The following OSBP variants were observed in gnomAD, a reference collection of about 807,000 sequenced individuals.
OSBP encodes oxysterol binding protein, also known as oxysterol-binding protein 1.
OSBP carries 32 observed loss-of-function variants against 96.6 expected under a neutral mutation model. The ratio of observed to expected loss-of-function variants is 0.33; its 90% CI spans 0.25 to 0.45. OSBP has a LOEUF of 0.45. Among genes scored for constraint, OSBP ranks in the 20% least tolerant of loss-of-function variants. OSBP has a pLI of 1.00. For missense variants in OSBP, 653 were observed against 1,029.7 expected (o/e 0.63, Z 5.01); for synonymous variants, 369 against 389.6 (o/e 0.95, Z 0.62).
At chr11:59,581,595 G>C (rs1458402377) in intron 9 of OSBP, 41 bp from the exon 10 acceptor site, 1 of 1,093,488 alleles carries the variant, frequency 9.1e-7, no homozygotes, top group Non-Finnish European at 1.4e-6. Flanking sequence ...CCAAATGTCA[G>C]AAAAATAGCA....
At position 59,575,715 on chromosome 11, in the gene OSBP, A is replaced by G. The variant is rs922278636; in HGVS notation, c.*862T>C. 2 of 152,436 alleles carry G rather than the reference A, an allele frequency of 1.3e-5. No homozygotes were observed. Among genetic ancestry groups the G allele is most frequent in the African/African-American group, 4.8e-5 (2 of 41,442 alleles). 9.4% of individuals were successfully genotyped at this position (152,436 alleles called of 1,614,324 possible). A position where few individuals can be genotyped will look rare whatever the true frequency, so the allele number is the denominator to read the frequency against. On this transcript the variant is annotated 3_prime_UTR_variant, in exon 14 of 14. Coordinates refer to ENST00000263847, the MANE Select transcript of OSBP (RefSeq NM_002556.3). ...CAAAATGGTACTGTGCCAGAAGAAG[A>G]GAAGCCAGAAAGACAATGAAGGATG...
At chr11:59,577,780 C>T (rs1032856904) in intron 12 of OSBP, among the ~76,000 whole-genome samples, 3 of 152,202 alleles carry the variant, frequency 2.0e-5, no homozygotes, top group Non-Finnish European at 2.9e-5. Context: ...CGTGAGCCAC[C>T]GCACCTGGCT....
At position 59,578,149 on chromosome 11, in the gene OSBP, G is replaced by A. The variant is rs753329392; in HGVS notation, c.2060C>T (p.Pro687Leu). The A allele has an allele frequency of 2.2e-5, 36 of 1,613,862 alleles. No homozygotes were observed. The highest frequency in any genetic ancestry group is 4.5e-5 in the East Asian group (2 of 44,878). ...RVMLWKRNPL[P>L]KNAENMYYFS... Reference sequence around the variant, plus strand: ...GGGCAGCATGCATGCTGATACTCACGGTAAAGGATTCCTTTTCCACAGCAT... The same window carrying A: ...GGGCAGCATGCATGCTGATACTCACAGTAAAGGATTCCTTTTCCACAGCAT... Residue 687 changes from proline to leucine, a missense_variant and splice_region_variant, in exon 12 of 14, where the codon CCG becomes CTG. Around this residue, in one of 6 missense-constraint regions of OSBP, gnomAD observed 169 missense variants for 251.5 expected, o/e 0.67. Transcript: ENST00000263847.
At chr11:59,593,932 A>C in intron 8 of OSBP, 78 bp downstream of exon 8, 1 of 1,550,482 alleles carries the variant, frequency 6.4e-7, no homozygotes. Context: ...TTCTGCAAAC[A>C]TAAGACCCAG....
intron 2 of OSBP, among the ~76,000 whole-genome samples, chr11:59,610,042 A>G (rs544737756): frequency 2.0e-5 from 3 of 152,344 alleles, no homozygotes; most frequent in East Asian, 1.9e-4. Flanking sequence ...GAATTTTTCA[A>G]CCTTGGCCAG....
intron 9 of OSBP, among the ~76,000 whole-genome samples, chr11:59,582,395 A>T (rs1310355758): frequency 6.6e-6 from 1 of 152,154 alleles, no homozygotes; most frequent in Non-Finnish European, 1.5e-5. Context: ...AGCTCAGTGG[A>T]GTTTCCTGGT....
intron 9 of OSBP, among the ~76,000 whole-genome samples, chr11:59,587,895 C>G (rs557950857): frequency 6.6e-6 from 1 of 152,042 alleles, no homozygotes; most frequent in East Asian, 1.9e-4. Context: ...TTTCTTAAGA[C>G]TTTAGGCAAA....
chr11:59,603,053 G>A (rs1860741416), intron 3 of OSBP, among the ~76,000 whole-genome samples: 1 of 152,160 alleles, frequency 6.6e-6, no homozygotes, highest in South Asian at 2.1e-4. Flanking sequence ...GCTACTTTGT[G>A]ACATCTCCCC....
rs370549484 is a variant in OSBP at position 59,610,550 on chromosome 11, G to A, written c.402C>T (p.Ile134=). 6 of 1,614,184 alleles carry A rather than the reference G, an allele frequency of 3.7e-6. No homozygotes were observed. Among genetic ancestry groups the A allele is most frequent in the Admixed American group, 1.7e-5 (1 of 60,034 alleles). ...AEMRHTCRGT[I]NLATANITVE... ...CGGTGATGTTGGCTGTGGCGAGGTT[G>A]ATGGTACCACGGCAGGTATGTCTCA... The change falls in exon 2 of 14, where the codon ATC becomes ATT. Residue 134 remains isoleucine, a synonymous_variant. Transcript: ENST00000263847.
Position 59,576,837 on chromosome 11 carries a change from C to G in OSBP, c.2249G>C (p.Arg750Thr). The change falls in exon 13 of 14, where the codon AGA becomes ACA. Residue 750 changes from arginine (R) to threonine (T), a missense_variant. Coordinates refer to ENST00000263847, the MANE Select transcript of OSBP (RefSeq NM_002556.3). ...EEKQRLSRKKREAEAMKATED... is the reference protein window; with the variant it reads ...EEKQRLSRKKTEAEAMKATED... Reference sequence around the variant, plus strand: ...TGTGGCTTTCATAGCTTCCGCTTCTCTCTTCTTTCTGGAAAGTCTTTGTTT... The same window carrying G: ...TGTGGCTTTCATAGCTTCCGCTTCTGTCTTCTTTCTGGAAAGTCTTTGTTT... 6.2e-7 allele frequency: 1 copy of G among 1,614,198 alleles called. No individual in the cohort carries two copies. The highest frequency in any genetic ancestry group is 8.5e-7 in the Non-Finnish European group (1 of 1,180,044).
Position 59,576,294 on chromosome 11 carries a change from A to G in OSBP, c.*283T>C. On this transcript the variant is annotated 3_prime_UTR_variant, in exon 14 of 14. Coordinates refer to ENST00000263847, the MANE Select transcript of OSBP (RefSeq NM_002556.3). ...GGCAGAGGGAGAAAGAAGAGCCAAG[A>G]ATACTTGACTTCGTGGATGTGGAAT... 3.0e-6 allele frequency: 1 copy of G among 334,254 alleles called. No homozygotes were observed. The highest frequency in any genetic ancestry group is 5.4e-6 in the Non-Finnish European group (1 of 184,696). 20.7% of individuals were successfully genotyped at this position (334,254 alleles called of 1,614,324 possible). A position where few individuals can be genotyped will look rare whatever the true frequency, so the allele number is the denominator to read the frequency against.
chr11:59,581,991 T>C (rs1357997476), intron 9 of OSBP, among the ~76,000 whole-genome samples: 1 of 152,228 alleles, frequency 6.6e-6, no homozygotes, highest in African/African-American at 2.4e-5. Flanking sequence ...TCTAAGGCCC[T>C]TAATTGTAAA....
Position 59,615,313 on chromosome 11 carries a change from T to C in OSBP, c.352A>G (p.Ser118Gly), listed in dbSNP as rs1381637467. Residue 118 changes from serine to glycine, a missense_variant, in exon 1 of 14, where the codon AGC becomes GGC. By Grantham distance (56) the Ser-to-Gly change is moderately conservative. Transcript: ENST00000263847. The part of the protein sequence containing the change: ...RWFVLSNGLL[S>G]YYRSKAEMRH... ...CCCGGAAGCAGTTACCTGTAGTAGC[T>C]CAGGAGCCCGTTGCTCAGCACGAAC... is the stretch of plus-strand genomic sequence containing the variant. 1.2e-6 allele frequency: 2 copies of C among 1,601,722 alleles called. No homozygotes were observed. Among genetic ancestry groups the C allele is most frequent in the Admixed American group, 1.7e-5 (1 of 59,500 alleles).
At position 59,601,666 on chromosome 11, in the gene OSBP, G is replaced by A. The variant is rs1429527614; in HGVS notation, c.995C>T (p.Thr332Ile). 1 of 1,612,884 alleles carries A rather than the reference G, an allele frequency of 6.2e-7. No homozygotes were observed. Among genetic ancestry groups the A allele is most frequent in the Non-Finnish European group, 8.5e-7 (1 of 1,180,008 alleles). Residue 332 changes from threonine (T) to isoleucine (I), a missense_variant, in exon 4 of 14, where the codon ACT (threonine) becomes ATT (isoleucine). Physicochemically the swap from Thr to Ile is moderately conservative, Grantham distance 89. This residue lies in a region of OSBP where 308 missense variants were observed against 573.1 expected (regional missense o/e 0.54). Transcript: ENST00000263847. ...FRGATVLPAN[T>I]PGNVGSGKDQ... Reference sequence around the variant, plus strand: ...TTTACCAGAACCCACATTGCCAGGAGTGTTTGCCGGCAGCACCGTGGCTCC... The same window carrying A: ...TTTACCAGAACCCACATTGCCAGGAATGTTTGCCGGCAGCACCGTGGCTCC...
At chr11:59,612,384 C>T (rs1395473466) in intron 1 of OSBP, among the ~76,000 whole-genome samples, 1 of 152,168 alleles carries the variant, frequency 6.6e-6, no homozygotes, top group African/African-American at 2.4e-5. Flanking sequence ...GGCCAGCTCG[C>T]TCATGTTTTC....
chr11:59,599,966 A>G (rs78297592), intron 7 of OSBP, among the ~76,000 whole-genome samples: 6 of 152,294 alleles, frequency 3.9e-5, no homozygotes, highest in Admixed American at 3.9e-4. Flanking sequence ...ACATTTTTCA[A>G]AAATCACTCT....
At chr11:59,611,755 T>C (rs1860851641) in intron 1 of OSBP, among the ~76,000 whole-genome samples, 1 of 152,168 alleles carries the variant, frequency 6.6e-6, no homozygotes, top group African/African-American at 2.4e-5. Context: ...GAACTGGGTG[T>C]AAAAATTTTC....
intron 7 of OSBP, among the ~76,000 whole-genome samples, chr11:59,595,944 AAAATAAATAAATAAATAAATAAAT>A (rs139081696): frequency 1.4e-4 from 19 of 138,512 alleles, no homozygotes; most frequent in East Asian, 2.1e-4. Flanking sequence ...ACTCTGTCTA[AAAATAAATAAATAAATAAATAAAT>A]AAATAAATAA....
intron 3 of OSBP, among the ~76,000 whole-genome samples, chr11:59,604,381 A>G (rs1374219701): frequency 6.6e-6 from 1 of 152,148 alleles, no homozygotes; most frequent in Non-Finnish European, 1.5e-5. Flanking sequence ...CCCCATCTCT[A>G]TATAAAAATT....
Sources: allele counts gnomAD v4.1 joint callset (sites outside exome capture counted in the v4.1 genomes callset), GRCh38; gene constraint gnomAD v4.1.1; regional missense constraint gnomAD v4.1.1; transcripts MANE v1.5; gene names NCBI Gene and HGNC (gene_info 2026-07-23, HGNC 2026-07-21).